Variants in PCDH15 observed in about 807,000 individuals in gnomAD.
PCDH15 encodes protocadherin-15.
In PCDH15, 129 loss-of-function variants were observed where a neutral mutation model predicts 178.5. The ratio of observed to expected loss-of-function variants is 0.72; its 90% CI spans 0.63 to 0.84. The LOEUF (loss-of-function observed/expected upper bound fraction) is 0.84, where lower values mean the gene tolerates loss of function less well. Among genes scored for constraint, PCDH15 ranks in the 40% least tolerant of loss-of-function variants. The pLI is 0.00. For synonymous variants in PCDH15, 800 were observed against 732.0 expected (o/e 1.09, Z -1.50); for missense variants, 2,230 against 2,099.9 (o/e 1.06, Z -1.21).
chr10:54,250,986 GATTA>G lies in PCDH15; in HGVS notation c.877-14059_877-14056del, dbSNP rs138199071. On this transcript the variant is annotated intron_variant, in intron 8 of 37. Coordinates refer to ENST00000644397, the MANE Select transcript of PCDH15 (RefSeq NM_001384140.1). ...ATATTAAGTTAAAAATACATATTTA[GATTA>G]ATTTTATTGGTTTAATTCTTTTTCT... Among the ~76,000 whole-genome samples, 990 of 151,760 alleles carry G rather than the reference GATTA, an allele frequency of 6.5e-3. 15 individuals carry two copies. The highest frequency in any genetic ancestry group is 0.023 in the African/African-American group (968 of 41,462).
chr10:54,730,983 A>G (rs1250478617), intron 1 of PCDH15, among the ~76,000 whole-genome samples: 1 of 151,494 alleles, frequency 6.6e-6, no homozygotes, highest in African/African-American at 2.4e-5. Context: ...CAGCCAGAGA[A>G]TGGAAGAAAA....
intron 2 of PCDH15, among the ~76,000 whole-genome samples, chr10:55,378,093 G>T (rs1837443097): frequency 6.6e-6 from 1 of 152,034 alleles, no homozygotes; most frequent in Non-Finnish European, 1.5e-5. Flanking sequence ...AGCATTAGGA[G>T]AAATATCTAA....
intron 2 of PCDH15, among the ~76,000 whole-genome samples, chr10:55,405,619 G>A (rs9416400): frequency 0.027 from 4,114 of 151,750 alleles, 182 homozygotes; most frequent in African/African-American, 0.093. Context: ...TAATTAGAAT[G>A]ATATGCACTT....
intron 2 of PCDH15, among the ~76,000 whole-genome samples, chr10:55,159,070 A>C (rs967933333): frequency 1.5e-4 from 23 of 152,140 alleles, no homozygotes; most frequent in African/African-American, 4.8e-4. Context: ...TGATGTCCTC[A>C]GTGGCTAAAT....
intron 1 of PCDH15, among the ~76,000 whole-genome samples, chr10:54,751,411 A>T (rs755655088): frequency 6.6e-6 from 1 of 152,192 alleles, no homozygotes; most frequent in Non-Finnish European, 1.5e-5. Context: ...TTGCTTATAA[A>T]ATATGCACAA....
At chr10:53,872,929 A>G (rs530236042) in intron 26 of PCDH15, among the ~76,000 whole-genome samples, 6 of 152,282 alleles carry the variant, frequency 3.9e-5, no homozygotes, top group South Asian at 2.1e-4. Context: ...GCTGACACGT[A>G]TCTCTCACTG....
intron 1 of PCDH15, among the ~76,000 whole-genome samples, chr10:55,271,073 G>A (rs1297451008): frequency 6.6e-6 from 1 of 151,978 alleles, no homozygotes; most frequent in Non-Finnish European, 1.5e-5. Context: ...ATTCATAAGT[G>A]GGAGCTGAAC....
intron 8 of PCDH15, among the ~76,000 whole-genome samples, chr10:54,238,748 C>T: frequency 6.8e-6 from 1 of 147,902 alleles, no homozygotes; most frequent in African/African-American, 2.5e-5. Context: ...GTATGCAATA[C>T]CTGTATTTCT....
chr10:55,472,857 G>A (rs984995427), intron 2 of PCDH15, among the ~76,000 whole-genome samples: 1 of 152,020 alleles, frequency 6.6e-6, no homozygotes, highest in Admixed American at 6.6e-5. Flanking sequence ...CGTGAGCCAC[G>A]AAAACCTTCC....
chr10:54,205,286 C>T (rs185893550), intron 10 of PCDH15, among the ~76,000 whole-genome samples: 1 of 152,180 alleles, frequency 6.6e-6, no homozygotes, highest in Non-Finnish European at 1.5e-5. Context: ...CTGTTCTAGC[C>T]TTTTATGTAA....
rs193024467 is a variant in PCDH15 at position 54,040,586 on chromosome 10, T to C, written c.2221-17389A>G. ...TACTAAATGTGTTCTGTGAATGAAG[T>C]TGGATGTTGAATGCAGATGCTAATG... On this transcript the variant is annotated intron_variant, in intron 18 of 37. Coordinates refer to ENST00000644397, the MANE Select transcript of PCDH15 (RefSeq NM_001384140.1). Among the ~76,000 whole-genome samples, 49 of 152,168 alleles carry C rather than the reference T, an allele frequency of 3.2e-4. No homozygotes were observed. In the East Asian group the frequency reaches 8.0e-3, roughly 25 times the overall value.
chr10:54,957,014 G>GA (rs1032170655), intron 2 of PCDH15, among the ~76,000 whole-genome samples: 5 of 151,298 alleles, frequency 3.3e-5, no homozygotes, highest in African/African-American at 7.3e-5. Flanking sequence ...TGGTATGACA[G>GA]AAAAAAAATG....
chr10:55,369,468 G>C (rs1845445882), intron 2 of PCDH15, among the ~76,000 whole-genome samples: 1 of 151,868 alleles, frequency 6.6e-6, no homozygotes, highest in African/African-American at 2.4e-5. Flanking sequence ...TGGTCACAGT[G>C]GTGCAAGAGC....
chr10:54,655,149 T>C (rs2094349664), intron 2 of PCDH15: 1 of 151,856 alleles, frequency 6.6e-6, no homozygotes, highest in Non-Finnish European at 1.5e-5. Flanking sequence ...AGGCGGAGCT[T>C]GCAGTGAGCC....
Position 53,804,517 on chromosome 10 carries a change from A to C in PCDH15, c.*2062T>G, listed in dbSNP as rs914152653. 6.6e-6 allele frequency: 1 copy of C among 151,982 alleles called. No homozygotes were observed. Among genetic ancestry groups the C allele is most frequent in the Non-Finnish European group, 1.5e-5 (1 of 67,914 alleles). 9.4% of individuals were successfully genotyped at this position (151,982 alleles called of 1,614,324 possible). A position where few individuals can be genotyped will look rare whatever the true frequency, so the allele number is the denominator to read the frequency against. On this transcript the variant is annotated 3_prime_UTR_variant, in exon 38 of 38. Transcript: ENST00000644397. ...TCCCATCAGGATACTAGAAGCTATA[A>C]ACTGAAAGAAAAAAATGTGAGAAAG...
intron 5 of PCDH15, among the ~76,000 whole-genome samples, chr10:54,355,832 A>C (rs571201886): frequency 1.3e-5 from 2 of 152,216 alleles, no homozygotes; most frequent in South Asian, 4.1e-4. Context: ...AAACCTTTAC[A>C]TTAGTAATCA....
intron 2 of PCDH15, among the ~76,000 whole-genome samples, chr10:55,352,845 T>C (rs570063479): frequency 6.6e-6 from 1 of 152,166 alleles, no homozygotes; most frequent in Admixed American, 6.6e-5. Context: ...AAAAAGGTCA[T>C]AGTCACTGTT....
intron 2 of PCDH15, among the ~76,000 whole-genome samples, chr10:55,062,831 T>C (rs1227833297): frequency 1.3e-5 from 2 of 152,158 alleles, no homozygotes; most frequent in Non-Finnish European, 2.9e-5. Flanking sequence ...TTGTGCATTT[T>C]TGGGGCAGGG....
intron 3 of PCDH15, among the ~76,000 whole-genome samples, chr10:54,807,581 G>T (rs1000607259): frequency 6.6e-6 from 1 of 151,150 alleles, no homozygotes; most frequent in Non-Finnish European, 1.5e-5. Context: ...GCCTTATGTT[G>T]TCTGTCTTTA....
Sources: gnomAD v4.1 joint callset for allele counts (sites outside exome capture counted in the v4.1 genomes callset) on GRCh38, gnomAD v4.1.1 for gene constraint, MANE v1.5 for transcripts, NCBI Gene and HGNC (gene_info 2026-07-23, HGNC 2026-07-21) for gene names.